Variants in VANGL1 observed in about 807,000 individuals in gnomAD.
VANGL1 encodes the protein VANGL planar cell polarity protein 1, also known as vang-like protein 1.
VANGL1 carries 18 observed loss-of-function variants against 48.4 expected under a neutral mutation model. The ratio of observed to expected loss-of-function variants is 0.37; its 90% CI spans 0.26 to 0.55. The LOEUF (loss-of-function observed/expected upper bound fraction) is 0.55, where lower values mean the gene tolerates loss of function less well. Among genes scored for constraint, VANGL1 ranks in the 20% least tolerant of loss-of-function variants. The pLI is 0.81. For synonymous variants in VANGL1, 257 were observed against 261.8 expected (o/e 0.98, Z 0.18); for missense variants, 667 against 675.8 (o/e 0.99, Z 0.14).
At chr1:115,685,154 C>T in intron 6 of VANGL1, 139 bp from the exon 7 acceptor site, 2 of 866,508 alleles carry the variant, frequency 2.3e-6, no homozygotes, top group Non-Finnish European at 3.8e-6. Flanking sequence ...CTCTGAGGGA[C>T]AGCTAAGGAT....
intron 4 of VANGL1, among the ~76,000 whole-genome samples, chr1:115,676,729 C>A (rs971114500): frequency 1.3e-5 from 2 of 152,212 alleles, no homozygotes; most frequent in African/African-American, 2.4e-5. Flanking sequence ...TGAGACTTAA[C>A]CTGCCTTAGG....
chr1:115,684,640 T>C (rs1653523869), intron 6 of VANGL1, among the ~76,000 whole-genome samples: 1 of 152,152 alleles, frequency 6.6e-6, no homozygotes, highest in Non-Finnish European at 1.5e-5. Context: ...CCAATAGGTG[T>C]GGAGTTGGGC....
chr1:115,644,938 C>A (rs1010311570), intron 1 of VANGL1, among the ~76,000 whole-genome samples: 1 of 152,180 alleles, frequency 6.6e-6, no homozygotes, highest in African/African-American at 2.4e-5. Flanking sequence ...GACCCAGAAT[C>A]ATTCATTTAT....
At chr1:115,686,768 T>C (rs1653650857) in intron 7 of VANGL1, among the ~76,000 whole-genome samples, 1 of 152,174 alleles carries the variant, frequency 6.6e-6, no homozygotes, top group Non-Finnish European at 1.5e-5. Flanking sequence ...CCAATAATAA[T>C]AATAGCAATT....
intron 7 of VANGL1, among the ~76,000 whole-genome samples, chr1:115,690,455 C>A (rs556276021): frequency 5.3e-4 from 81 of 152,350 alleles, no homozygotes; most frequent in African/African-American, 1.9e-3. Flanking sequence ...CTGGGCATCC[C>A]CTGGACTGGC....
rs554577181 is a variant in VANGL1 at position 115,690,871 on chromosome 1, G to A, written c.1315-248G>A. ...ACCCCATTTTCCCTCCCCTCTGTGG[G>A]TACCACTATTCTTGCGCTTGGTGGA... On this transcript the variant is annotated intron_variant, in intron 7 of 7. Transcript: ENST00000355485. Among the ~76,000 whole-genome samples, 624 of 152,296 alleles carry A rather than the reference G, an allele frequency of 4.1e-3. 2 individuals are homozygous for A. The highest frequency in any genetic ancestry group is 5.9e-3 in the Non-Finnish European group (399 of 68,022).
At position 115,694,797 on chromosome 1, in the gene VANGL1, G is replaced by A. The variant is rs557951201; in HGVS notation, c.*3418G>A. On this transcript the variant is annotated 3_prime_UTR_variant, in exon 8 of 8. Coordinates refer to ENST00000355485, the MANE Select transcript of VANGL1 (RefSeq NM_138959.3). The stretch of plus-strand genomic sequence containing the variant: ...CATTTCTCTGAGTGTATTACCAGAC[G>A]GATAGCACATTTATATGTCAGACAT... 2.1e-4 allele frequency: 32 copies of A among 152,234 alleles called. No individual in the cohort carries two copies. The East Asian group carries it at 2.3e-3, about 11-fold the overall frequency. The allele number at this position is 152,234 out of a possible 1,614,324, so 9.4% of individuals were successfully genotyped here.
At position 115,663,867 on chromosome 1, in the gene VANGL1, G is replaced by A. The variant is rs1421486362; in HGVS notation, c.411G>A (p.Leu137=). 1.2e-6 allele frequency: 2 copies of A among 1,614,218 alleles called. No individual in the cohort carries two copies. Among genetic ancestry groups the A allele is most frequent in the Middle Eastern group, 1.6e-4 (1 of 6,062 alleles). ...CCTTCATCCTTTTACCTCCGATCCT[G>A]TGGAGGGATGAGCTGGAGCCTTGTG... The part of the protein sequence containing the change: ...PIAFILLPPI[L]WRDELEPCGT... The change falls in exon 4 of 8, where the codon CTG becomes CTA. Residue 137 remains leucine, a synonymous_variant. Transcript: ENST00000355485.
intron 4 of VANGL1, among the ~76,000 whole-genome samples, chr1:115,675,376 C>T (rs762316562): frequency 1.3e-5 from 2 of 152,182 alleles, no homozygotes; most frequent in African/African-American, 2.4e-5. Flanking sequence ...TGGCATGTGC[C>T]TGTAGTCCCA....
intron 4 of VANGL1, among the ~76,000 whole-genome samples, chr1:115,677,469 G>A (rs1273129142): frequency 6.6e-6 from 1 of 152,244 alleles, no homozygotes; most frequent in Non-Finnish European, 1.5e-5. Context: ...AGACCTTTGT[G>A]TAGACCCATT....
chr1:115,651,601 A>G, intron 2 of VANGL1, 117 bp downstream of exon 2: 1 of 849,834 alleles, frequency 1.2e-6, no homozygotes, highest in East Asian at 2.6e-5. Flanking sequence ...TTGGTGCATG[A>G]GAAGCTGAGC....
intron 7 of VANGL1, among the ~76,000 whole-genome samples, chr1:115,686,437 T>G (rs931450244): frequency 6.7e-6 from 1 of 150,290 alleles, no homozygotes; most frequent in Non-Finnish European, 1.5e-5. Flanking sequence ...TACTGAGTGG[T>G]CTTTTAGATT....
chr1:115,649,275 A>G (rs1046626657), intron 1 of VANGL1, among the ~76,000 whole-genome samples: 1 of 152,150 alleles, frequency 6.6e-6, no homozygotes, highest in Non-Finnish European at 1.5e-5. Context: ...TTCACATTTA[A>G]TCTTTACAGC....
rs998524174 is a variant in VANGL1 at position 115,692,625 on chromosome 1, A to G, written c.*1246A>G. 6.5e-6 allele frequency: 1 copy of G among 152,718 alleles called. No individual in the cohort carries two copies. The allele number at this position is 152,718 out of a possible 1,614,324, so 9.5% of individuals were successfully genotyped here. Reference sequence around the variant, plus strand: ...AGAGTAGGGAGCCCATCTTGTCCAGAAAGATTCATCTGTGGTCTGTCTGTT... The same window carrying G: ...AGAGTAGGGAGCCCATCTTGTCCAGGAAGATTCATCTGTGGTCTGTCTGTT... On this transcript the variant is annotated 3_prime_UTR_variant, in exon 8 of 8. Transcript: ENST00000355485.
intron 4 of VANGL1, among the ~76,000 whole-genome samples, chr1:115,676,265 ATAGG>A (rs1193591532): frequency 6.6e-6 from 1 of 152,124 alleles, no homozygotes; most frequent in African/African-American, 2.4e-5. Context: ...ATGCCTCCCT[ATAGG>A]TAGGTTTGAT....
chr1:115,663,531 A>C (rs1652647489), intron 3 of VANGL1, 130 bp from the exon 4 acceptor site: 5 of 1,279,958 alleles, frequency 3.9e-6, no homozygotes, highest in Non-Finnish European at 5.5e-6. Context: ...TTAAAGAGTT[A>C]AGCTTTCATT....
At chr1:115,684,681 C>T (rs926136103) in intron 6 of VANGL1, among the ~76,000 whole-genome samples, 7 of 152,146 alleles carry the variant, frequency 4.6e-5, no homozygotes, top group East Asian at 1.9e-4. Flanking sequence ...CAGATTCCTG[C>T]GTGATGCTGA....
At chr1:115,665,995 C>T (rs992844765) in intron 4 of VANGL1, among the ~76,000 whole-genome samples, 1 of 152,164 alleles carries the variant, frequency 6.6e-6, no homozygotes, top group Non-Finnish European at 1.5e-5. Flanking sequence ...GATAGGAACA[C>T]AGGAGGACAG....
chr1:115,676,040 C>G (rs1468858116), intron 4 of VANGL1, among the ~76,000 whole-genome samples: 4 of 152,082 alleles, frequency 2.6e-5, no homozygotes, highest in Admixed American at 6.6e-5. Context: ...ATTAGTAATG[C>G]GATAATTTTT....
Sources: allele counts gnomAD v4.1 joint callset (sites outside exome capture counted in the v4.1 genomes callset), GRCh38; gene constraint gnomAD v4.1.1; transcripts MANE v1.5; gene names NCBI Gene and HGNC (gene_info 2026-07-23, HGNC 2026-07-21).